NCAM1: variants seen among roughly 807,000 people sequenced by gnomAD.
NCAM1 encodes the protein neural cell adhesion molecule 1, also known as antigen recognized by monoclonal antibody 5.1H11.
NCAM1 carries 14 observed loss-of-function variants against 109.8 expected under a neutral mutation model. The observed-to-expected ratio is 0.13, with a 90% confidence interval of 0.08 to 0.20. The LOEUF (loss-of-function observed/expected upper bound fraction) is 0.20, where lower values mean the gene tolerates loss of function less well. Among genes scored for constraint, NCAM1 ranks in the 10% least tolerant of loss-of-function variants. NCAM1 has a pLI of 1.00. For synonymous variants in NCAM1, 418 were observed against 442.9 expected, an observed-to-expected ratio of 0.94 and a Z score of 0.70; for missense variants, 774 against 1,109.9, an observed-to-expected ratio of 0.70 and a Z score of 4.30.
intron 16 of NCAM1, 88 bp downstream of exon 16, chr11:113,256,089 C>A: frequency 6.7e-7 from 1 of 1,497,068 alleles, no homozygotes; most frequent in Non-Finnish European, 9.0e-7. Context: ...GCCCACGGGG[C>A]AGGGGTGGGA....
chr11:113,234,972 T>C (rs1945119881), intron 13 of NCAM1, 61 bp from the exon 14 acceptor site: 1 of 1,496,990 alleles, frequency 6.7e-7, no homozygotes, highest in South Asian at 1.3e-5. Flanking sequence ...CTACTGTTTT[T>C]CAGAGCGGCT....
At chr11:113,045,417 C>G (rs1555080623) in intron 1 of NCAM1, among the ~76,000 whole-genome samples, 2 of 152,106 alleles carry the variant, frequency 1.3e-5, no homozygotes, top group East Asian at 3.9e-4. Flanking sequence ...AGAGAGTAAT[C>G]GTGGTAAAGG....
intron 1 of NCAM1, among the ~76,000 whole-genome samples, chr11:113,162,707 A>G (rs1193962397): frequency 1.9e-4 from 29 of 152,206 alleles, no homozygotes; most frequent in Admixed American, 1.9e-3. Context: ...TGTCTCCACC[A>G]GGAATGTTAT....
rs1555125057 is a variant in NCAM1, at chr11:113,270,360, G to C, written c.2304G>C (p.Lys768Asn). Residue 768 changes from lysine to asparagine, a missense_variant, in exon 18 of 20, where the codon AAG becomes AAC. By Grantham distance (94) the Lys-to-Asn change is moderately conservative. Coordinates refer to ENST00000316851, the MANE Select transcript of NCAM1 (RefSeq NM_181351.5). ...GTGGAAAAGCCGGGCCCGGGGCCAA[G>C]GGCAAGGACATGGAGGAGGGCAAGG... is the stretch of plus-strand genomic sequence containing the variant. ...NLCGKAGPGA[K>N]GKDMEEGKAA... is the part of the protein sequence containing the mutation. 1 of 1,614,024 alleles carries C rather than the reference G, an allele frequency of 6.2e-7. No individual in the cohort carries two copies. The highest frequency in any genetic ancestry group is 1.3e-5 in the African/African-American group (1 of 75,040).
At position 113,205,666 on chromosome 11, in the gene NCAM1, G is replaced by A; in HGVS notation, c.490G>A (p.Val164Ile). ...KGRDVILKKDVRFIVLSNNYL... is the reference protein window; with the variant it reads ...KGRDVILKKDIRFIVLSNNYL... ...CCGAGATGTCATCCTGAAAAAAGAT[G>A]GTGAGACCTGAATTTCCTGGCATCT... Residue 164 changes from valine (V) to isoleucine (I), a missense_variant and splice_region_variant, in exon 4 of 20, where the codon GTC becomes ATC. Coordinates refer to ENST00000316851, the MANE Select transcript of NCAM1 (RefSeq NM_181351.5). 6.2e-7 allele frequency: 1 copy of A among 1,612,502 alleles called. No homozygotes were observed. Among genetic ancestry groups the A allele is most frequent in the Non-Finnish European group, 8.5e-7 (1 of 1,179,372 alleles).
Position 113,002,614 on chromosome 11 carries a change from C to G in NCAM1, c.52+40950C>G, listed in dbSNP as rs549876926. Reference sequence around the variant, plus strand: ...TATTTGAAGGGGCTTCCATCAAGTCCTTTCTGCCTATGTTCCTCTGCACCC... The same window carrying G: ...TATTTGAAGGGGCTTCCATCAAGTCGTTTCTGCCTATGTTCCTCTGCACCC... On this transcript the variant is annotated intron_variant, in intron 1 of 19. Transcript: ENST00000316851. 3.9e-5 allele frequency among the ~76,000 whole-genome samples: 6 copies of G among 152,260 alleles called. No homozygotes were observed. In the East Asian group the frequency reaches 1.2e-3, roughly 29 times the overall value.
chr11:113,246,773 C>T (rs1945512471), intron 15 of NCAM1, among the ~76,000 whole-genome samples: 1 of 152,244 alleles, frequency 6.6e-6, no homozygotes, highest in African/African-American at 2.4e-5. Flanking sequence ...TAAAATGAGT[C>T]ACATTCCTGT....
chr11:112,962,279 CGACAT>C lies in NCAM1; in HGVS notation c.52+619_52+623del. 6.6e-6 allele frequency among the ~76,000 whole-genome samples: 1 copy of C among 152,288 alleles called. No individual in the cohort carries two copies. Among genetic ancestry groups the C allele is most frequent in the South Asian group, 2.1e-4 (1 of 4,820 alleles). On this transcript the variant is annotated intron_variant, in intron 1 of 19. Transcript: ENST00000316851. This position sits in a 1 kb window ranked among gnomAD's most constrained non-coding sequence, Gnocchi z 5.6. ...GGTGTGACCGTTGTTGCACCCCAGT[CGACAT>C]GACGTTAGTTTTTCATTTGCCAAAT...
At chr11:113,062,623 A>G (rs1937723607) in intron 1 of NCAM1, among the ~76,000 whole-genome samples, 1 of 152,086 alleles carries the variant, frequency 6.6e-6, no homozygotes, top group Non-Finnish European at 1.5e-5. Flanking sequence ...GGGGTTTGCT[A>G]CTTCACAGAG....
chr11:113,166,008 T>G (rs1219732738), intron 1 of NCAM1, among the ~76,000 whole-genome samples: 1 of 151,660 alleles, frequency 6.6e-6, no homozygotes, highest in African/African-American at 2.4e-5. Flanking sequence ...TTTTTACTTA[T>G]TTTTAGTAGA....
intron 1 of NCAM1, among the ~76,000 whole-genome samples, chr11:113,074,350 C>A (rs1030123206): frequency 1.3e-5 from 2 of 152,106 alleles, no homozygotes; most frequent in Non-Finnish European, 2.9e-5. Flanking sequence ...CTGGCTGTGG[C>A]AGAAGGGTGC....
chr11:113,177,079 T>C (rs1041990910), intron 1 of NCAM1, among the ~76,000 whole-genome samples: 25 of 152,212 alleles, frequency 1.6e-4, no homozygotes, highest in African/African-American at 6.0e-4. Context: ...GCAGGGGTCA[T>C]TGGCAAGATC....
chr11:113,268,459 T>C (rs1262991672), intron 17 of NCAM1, among the ~76,000 whole-genome samples: 1 of 152,142 alleles, frequency 6.6e-6, no homozygotes, highest in African/African-American at 2.4e-5. Context: ...GAGGAAGGGC[T>C]GGGAGGCAAG....
chr11:113,097,144 A>T (rs1281586071), intron 1 of NCAM1, among the ~76,000 whole-genome samples: 1 of 152,216 alleles, frequency 6.6e-6, no homozygotes, highest in Non-Finnish European at 1.5e-5. Context: ...CTGAAGCCTC[A>T]GAGTTGAGAT....
At chr11:113,236,951 G>A (rs1555118406) in intron 14 of NCAM1, among the ~76,000 whole-genome samples, 1 of 152,182 alleles carries the variant, frequency 6.6e-6, no homozygotes, top group Admixed American at 6.5e-5. Flanking sequence ...CTGTTGCAGA[G>A]TTAAATCTCT....
chr11:113,220,598 C>CTTTTTTT (rs1565508438), intron 8 of NCAM1, among the ~76,000 whole-genome samples: 1 of 105,654 alleles, frequency 9.5e-6, no homozygotes, highest in African/African-American at 5.1e-5. Flanking sequence ...CTCTCTCTCT[C>CTTTTTTT]TCTCTTTTTT....
At chr11:113,226,029 G>A (rs1272647121) in intron 9 of NCAM1, among the ~76,000 whole-genome samples, 3 of 152,116 alleles carry the variant, frequency 2.0e-5, no homozygotes, top group Non-Finnish European at 4.4e-5. Context: ...ATCAACTAAC[G>A]AGCAAAATAA....
intron 14 of NCAM1, among the ~76,000 whole-genome samples, chr11:113,245,133 G>C (rs1277895407): frequency 6.6e-6 from 1 of 151,290 alleles, no homozygotes; most frequent in Non-Finnish European, 1.5e-5. Flanking sequence ...TGACTTATCA[G>C]TGCAACCACG....
At chr11:113,151,824 A>G (rs782816799) in intron 1 of NCAM1, among the ~76,000 whole-genome samples, 1 of 152,186 alleles carries the variant, frequency 6.6e-6, no homozygotes, top group Non-Finnish European at 1.5e-5. Context: ...CAGTGTAGCA[A>G]GTTCTAAATC....
Sources: gnomAD v4.1 joint callset for allele counts (sites outside exome capture counted in the v4.1 genomes callset) on GRCh38, gnomAD v4.1.1 for gene constraint, Gnocchi (gnomAD v3.1) non-coding constraint, MANE v1.5 for transcripts, NCBI Gene and HGNC (gene_info 2026-07-23, HGNC 2026-07-21) for gene names.